The following PTPRR variants were observed in gnomAD, a reference collection of about 807,000 sequenced individuals.
PTPRR encodes protein tyrosine phosphatase receptor type R.
PTPRR carries 38 observed loss-of-function variants against 77.2 expected under a neutral mutation model. The observed-to-expected ratio is 0.49, with a 90% CI of 0.38 to 0.65. PTPRR has a LOEUF of 0.65. PTPRR is among the 30% of genes least tolerant of loss of function. The probability of loss-of-function intolerance (pLI) is 0.00; values close to 1 mark genes in which losing one functional copy is unlikely to be tolerated. For missense variants in PTPRR, 744 were observed against 799.2 expected, an observed-to-expected ratio of 0.93 and a Z score of 0.83; for synonymous variants, 299 against 283.1, an observed-to-expected ratio of 1.06 and a Z score of -0.57.
chr12:70,884,437 G>C (rs1001602103), intron 2 of PTPRR, among the ~76,000 whole-genome samples: 6 of 152,262 alleles, frequency 3.9e-5, no homozygotes, highest in Non-Finnish European at 7.3e-5. Flanking sequence ...CGGGAGAACA[G>C]TTCTTAACAA....
intron 2 of PTPRR, among the ~76,000 whole-genome samples, chr12:70,827,999 C>T (rs1161297882): frequency 6.6e-6 from 1 of 152,026 alleles, no homozygotes; most frequent in Non-Finnish European, 1.5e-5. Context: ...GGATTACAGG[C>T]GTGAGCCACC....
chr12:70,649,327 G>T (rs1886308619), intron 13 of PTPRR, among the ~76,000 whole-genome samples: 1 of 152,052 alleles, frequency 6.6e-6, no homozygotes, highest in Admixed American at 6.6e-5. Context: ...TTTGCTGTTA[G>T]CCATACCTGG....
At chr12:70,869,462 A>C (rs914998643) in intron 2 of PTPRR, among the ~76,000 whole-genome samples, 1 of 152,146 alleles carries the variant, frequency 6.6e-6, no homozygotes, top group Non-Finnish European at 1.5e-5. Context: ...TCCATGGAGA[A>C]ATCAACAGGG....
chr12:70,909,243 A>G (rs1298855405), intron 1 of PTPRR, among the ~76,000 whole-genome samples: 1 of 152,152 alleles, frequency 6.6e-6, no homozygotes, highest in East Asian at 1.9e-4. Flanking sequence ...GGGAGACAGG[A>G]CACCTGATTC....
At chr12:70,901,371 C>T (rs527634970) in intron 1 of PTPRR, among the ~76,000 whole-genome samples, 9 of 151,364 alleles carry the variant, frequency 5.9e-5, no homozygotes, top group South Asian at 4.2e-4. Flanking sequence ...CATCAATAGA[C>T]GAATGGGTAA....
chr12:70,761,407 T>A, intron 4 of PTPRR, 64 bp downstream of exon 4: 1 of 1,386,558 alleles, frequency 7.2e-7, no homozygotes, highest in Middle Eastern at 2.1e-4. Flanking sequence ...CCTCTTGGGG[T>A]TGAATTACCA....
intron 2 of PTPRR, among the ~76,000 whole-genome samples, chr12:70,826,462 A>C (rs1565710478): frequency 6.6e-6 from 1 of 152,106 alleles, no homozygotes; most frequent in Non-Finnish European, 1.5e-5. Flanking sequence ...GAACTCCTTG[A>C]AATTGCTACT....
chr12:70,776,603 T>C (rs549247171), intron 2 of PTPRR, among the ~76,000 whole-genome samples: 12 of 152,268 alleles, frequency 7.9e-5, no homozygotes, highest in Admixed American at 1.3e-4. Flanking sequence ...CAGGCATCCC[T>C]AAGGTTTATT....
At chr12:70,913,503 A>C (rs1054811034) in intron 1 of PTPRR, among the ~76,000 whole-genome samples, 1 of 152,166 alleles carries the variant, frequency 6.6e-6, no homozygotes, top group African/African-American at 2.4e-5. Flanking sequence ...GACAACTATC[A>C]TGCTATGTTG....
chr12:70,908,797 G>T (rs915215203), intron 1 of PTPRR, among the ~76,000 whole-genome samples: 21 of 152,162 alleles, frequency 1.4e-4, no homozygotes, highest in Non-Finnish European at 2.9e-5. Context: ...TCTCGTTCTT[G>T]CTCTTTCATC....
At chr12:70,747,888 A>T (rs1390584040) in intron 5 of PTPRR, among the ~76,000 whole-genome samples, 1 of 152,198 alleles carries the variant, frequency 6.6e-6, no homozygotes, top group African/African-American at 2.4e-5. Flanking sequence ...GCAATAGGGT[A>T]GTTGTCATGA....
intron 2 of PTPRR, among the ~76,000 whole-genome samples, chr12:70,791,257 T>C (rs1891417379): frequency 6.6e-6 from 1 of 152,152 alleles, no homozygotes; most frequent in Non-Finnish European, 1.5e-5. Context: ...GACTTCCACT[T>C]CATTTATTCT....
At chr12:70,857,749 G>C (rs949176102) in intron 2 of PTPRR, among the ~76,000 whole-genome samples, 3 of 152,060 alleles carry the variant, frequency 2.0e-5, no homozygotes, top group African/African-American at 4.8e-5. Context: ...GCCTAATTGA[G>C]GTGACAAAGT....
At chr12:70,774,993 A>T (rs12371577) in intron 2 of PTPRR, among the ~76,000 whole-genome samples, 56,475 of 152,030 alleles carry the variant, frequency 0.37, 12,933 homozygotes, top group African/African-American at 0.65. Flanking sequence ...ACATTCTGCG[A>T]TATATTTTTG....
At chr12:70,849,117 G>A (rs545893861) in intron 2 of PTPRR, among the ~76,000 whole-genome samples, 2 of 152,110 alleles carry the variant, frequency 1.3e-5, no homozygotes, top group Non-Finnish European at 2.9e-5. Flanking sequence ...AAAAGATGTA[G>A]GTAGAATTTA....
At chr12:70,731,712 G>T (rs1385490086) in intron 6 of PTPRR, among the ~76,000 whole-genome samples, 2 of 152,196 alleles carry the variant, frequency 1.3e-5, no homozygotes, top group East Asian at 3.9e-4. Context: ...GGATGTTTTA[G>T]AGCTGAAATA....
At chr12:70,691,112 A>T (rs1228274031) in intron 8 of PTPRR, among the ~76,000 whole-genome samples, 6 of 152,148 alleles carry the variant, frequency 3.9e-5, no homozygotes, top group Non-Finnish European at 7.4e-5. Context: ...AGAGTTTATT[A>T]TACACACACT....
At chr12:70,846,486 T>C (rs969570870) in intron 2 of PTPRR, among the ~76,000 whole-genome samples, 2 of 152,178 alleles carry the variant, frequency 1.3e-5, no homozygotes, top group Non-Finnish European at 2.9e-5. Flanking sequence ...AAAGCGTATA[T>C]AGGCATTGCT....
chr12:70,747,820 A>G (rs1341921528), intron 5 of PTPRR, among the ~76,000 whole-genome samples: 4 of 152,188 alleles, frequency 2.6e-5, no homozygotes, highest in Non-Finnish European at 5.9e-5. Context: ...GTTTAAAAAT[A>G]CTCAAGAGAT....
Sources: allele counts gnomAD v4.1 joint callset (sites outside exome capture counted in the v4.1 genomes callset), GRCh38; gene constraint gnomAD v4.1.1; transcripts MANE v1.5; gene names NCBI Gene and HGNC (gene_info 2026-07-23, HGNC 2026-07-21).